Variants in MMS22L observed in about 807,000 individuals in gnomAD.
The protein encoded by MMS22L is MMS22 like, DNA repair protein.
Under a neutral mutation model 159.1 loss-of-function variants are expected in MMS22L, and 74 were observed. That is an observed-to-expected ratio of 0.47 (90% CI 0.39 to 0.56). The LOEUF is 0.56. Ranked by LOEUF, MMS22L falls within the 20% of genes least tolerant of loss-of-function variation. The pLI is 0.00. For synonymous variants in MMS22L, 517 were observed against 506.9 expected, an observed-to-expected ratio of 1.02 and a Z score of -0.27; for missense variants, 1,351 against 1,422.1, an observed-to-expected ratio of 0.95 and a Z score of 0.80.
Position 97,165,339 on chromosome 6 carries a change from T to C in MMS22L, c.3128A>G (p.Asp1043Gly), listed in dbSNP as rs1347380632. 4 of 1,613,322 alleles carry C rather than the reference T, an allele frequency of 2.5e-6. No homozygotes were observed. Among genetic ancestry groups the C allele is most frequent in the Non-Finnish European group, 3.4e-6 (4 of 1,179,650 alleles). ...CAGCAAAACAGGATGTTGTCCAAGA[T>C]CTGAAACATATGGTGAAGCTGGAAG... ...RFLPASPYVSDLGQHPVLLAL... is the reference protein window; with the variant it reads ...RFLPASPYVSGLGQHPVLLAL... The change falls in exon 21 of 25, where the codon GAT (aspartate) becomes GGT (glycine). Residue 1043 changes from aspartate (D) to glycine (G), a missense_variant. Coordinates refer to ENST00000683635, the MANE Select transcript of MMS22L (RefSeq NM_001350599.2).
At chr6:97,185,722 G>A (rs943924362) in intron 15 of MMS22L, among the ~76,000 whole-genome samples, 22 of 151,816 alleles carry the variant, frequency 1.4e-4, no homozygotes, top group East Asian at 9.6e-4. Context: ...AGTTTTCCTC[G>A]TATACACTAG....
intron 17 of MMS22L, 22 bp downstream of exon 17, chr6:97,179,386 C>CA (rs1257878652): frequency 1.9e-6 from 3 of 1,604,234 alleles, no homozygotes; most frequent in South Asian, 2.2e-5. Context: ...CCATCCTCCC[C>CA]AAAAAACGTA....
At chr6:97,228,819 A>G (rs978005181) in intron 14 of MMS22L, 75 bp downstream of exon 14, 2 of 1,378,272 alleles carry the variant, frequency 1.5e-6, no homozygotes, top group African/African-American at 3.0e-5. Flanking sequence ...ATGCATATAT[A>G]TAACTTTAAT....
chr6:97,148,923 T>C (rs1370179767), intron 24 of MMS22L, among the ~76,000 whole-genome samples: 5 of 152,200 alleles, frequency 3.3e-5, no homozygotes, highest in Middle Eastern at 3.4e-3. Context: ...TATATAGGTA[T>C]ACCATTTTAA....
At chr6:97,265,635 T>C (rs527626945) in intron 8 of MMS22L, 1 of 151,988 alleles carries the variant, frequency 6.6e-6, no homozygotes, top group South Asian at 2.1e-4. Flanking sequence ...ATTTTAAATA[T>C]ATAAGGAACG....
chr6:97,145,026 A>ACC lies in MMS22L; in HGVS notation c.*1779_*1780insGG, dbSNP rs1308481327. On this transcript the variant is annotated 3_prime_UTR_variant, in exon 25 of 25. Coordinates refer to ENST00000683635, the MANE Select transcript of MMS22L (RefSeq NM_001350599.2). ...AATCTCCTTTGGAAAAAAAAAACCCACACACACACACACACACACACACAC... is the reference window on the plus strand; with the variant it reads ...AATCTCCTTTGGAAAAAAAAAACCCACCCACACACACACACACACACACACAC... 6 of 114,362 alleles carry ACC rather than the reference A, an allele frequency of 5.2e-5. No individual in the cohort carries two copies. The highest frequency in any genetic ancestry group is 2.4e-4 in the East Asian group (1 of 4,132). 7.1% of individuals were successfully genotyped at this position (114,362 alleles called of 1,614,324 possible).
intron 9 of MMS22L, chr6:97,258,715 G>A (rs1814101961): frequency 6.6e-6 from 1 of 152,064 alleles, no homozygotes; most frequent in Non-Finnish European, 1.5e-5. Flanking sequence ...AAATATAATA[G>A]ATTTAAAATT....
intron 21 of MMS22L, among the ~76,000 whole-genome samples, chr6:97,164,822 A>C (rs1206123): frequency 6.6e-6 from 1 of 151,580 alleles, no homozygotes; most frequent in Non-Finnish European, 1.5e-5. Context: ...TTTCACCATG[A>C]TGGCCAGGCT....
chr6:97,146,773 ATAAT>A lies in MMS22L; in HGVS notation c.*29_*32del, dbSNP rs1227086776. 1 of 1,375,966 alleles carries A rather than the reference ATAAT, an allele frequency of 7.3e-7. No individual in the cohort carries two copies. Among genetic ancestry groups the A allele is most frequent in the Non-Finnish European group, 1.0e-6 (1 of 990,478 alleles). The allele number at this position is 1,375,966 out of a possible 1,614,324, so 85.2% of individuals were successfully genotyped here. Reference sequence around the variant, plus strand: ...TGGAACAATGTGGCTTTAGATACTGATAATTAATAGACAGGATGAATCACAAAAT... The same window carrying A: ...TGGAACAATGTGGCTTTAGATACTGATAATAGACAGGATGAATCACAAAAT... On this transcript the variant is annotated 3_prime_UTR_variant, in exon 25 of 25. Transcript: ENST00000683635.
chr6:97,236,012 T>A (rs1811357734), intron 11 of MMS22L, among the ~76,000 whole-genome samples: 1 of 151,874 alleles, frequency 6.6e-6, no homozygotes. Context: ...TGGAGAAGAG[T>A]ACGTATTAAA....
intron 14 of MMS22L, among the ~76,000 whole-genome samples, chr6:97,213,619 A>G (rs1383727178): frequency 6.6e-6 from 1 of 152,216 alleles, no homozygotes; most frequent in Non-Finnish European, 1.5e-5. Context: ...CTTCTACTAC[A>G]TATAATTCTG....
At chr6:97,163,438 A>C (rs1450507030) in intron 21 of MMS22L, among the ~76,000 whole-genome samples, 1 of 151,982 alleles carries the variant, frequency 6.6e-6, no homozygotes, top group Non-Finnish European at 1.5e-5. Context: ...ATCTTTCCTG[A>C]GTATTAAAAA....
chr6:97,164,478 TTAG>T (rs1802759239), intron 21 of MMS22L, among the ~76,000 whole-genome samples: 1 of 151,994 alleles, frequency 6.6e-6, no homozygotes, highest in Non-Finnish European at 1.5e-5. Context: ...GGATATAGAC[TTAG>T]TAGAATATTT....
chr6:97,189,016 TAAGAA>T (rs1173026414), intron 14 of MMS22L, among the ~76,000 whole-genome samples: 1 of 151,336 alleles, frequency 6.6e-6, no homozygotes, highest in Non-Finnish European at 1.5e-5. Flanking sequence ...TCAGAAAGCT[TAAGAA>T]AAGGGGCTGG....
chr6:97,248,697 T>C (rs544481472), intron 10 of MMS22L, among the ~76,000 whole-genome samples: 20 of 151,922 alleles, frequency 1.3e-4, no homozygotes, highest in African/African-American at 3.9e-4. Context: ...CCGTCTCTAC[T>C]AAAATACAAA....
intron 15 of MMS22L, among the ~76,000 whole-genome samples, chr6:97,183,482 G>A (rs1804928520): frequency 6.6e-6 from 1 of 152,088 alleles, no homozygotes; most frequent in South Asian, 2.1e-4. Context: ...CTTCAAGTAG[G>A]CTCTTAGAAT....
At chr6:97,261,194 A>C (rs537250697) in intron 9 of MMS22L, 8 of 152,264 alleles carry the variant, frequency 5.3e-5, no homozygotes, top group African/African-American at 1.9e-4. Flanking sequence ...TCGTGGTAAG[A>C]GCTTTAGAGG....
rs765186447 is a variant in MMS22L, at chr6:97,178,423, T to C, written c.2679+20A>G. The C allele has an allele frequency of 4.0e-6, 6 of 1,496,808 alleles. No individual in the cohort carries two copies. The South Asian group carries it at 7.1e-5, about 18-fold the overall frequency. The allele number at this position is 1,496,808 out of a possible 1,614,324, so 92.7% of individuals were successfully genotyped here. The stretch of plus-strand genomic sequence containing the variant: ...TAATTGTAATTAATCTGGACAATTA[T>C]ACTAATAAATGACAAATACCTCAAA... On this transcript the variant is annotated intron_variant, in intron 18 of 24. Coordinates refer to ENST00000683635, the MANE Select transcript of MMS22L (RefSeq NM_001350599.2).
intron 11 of MMS22L, among the ~76,000 whole-genome samples, chr6:97,239,789 C>T (rs555785748): frequency 2.0e-5 from 3 of 152,098 alleles, no homozygotes; most frequent in Non-Finnish European, 4.4e-5. Flanking sequence ...TGCACCTGTC[C>T]TAATGACTCG....
Sources: allele counts gnomAD v4.1 joint callset (sites outside exome capture counted in the v4.1 genomes callset), GRCh38; gene constraint gnomAD v4.1.1; transcripts MANE v1.5; gene names NCBI Gene and HGNC (gene_info 2026-07-23, HGNC 2026-07-21).